Variants in ADARB2 observed in about 807,000 individuals in gnomAD.
ADARB2 encodes inactive double-stranded RNA-specific editase B2.
A neutral mutation model predicts 62.2 loss-of-function variants in ADARB2; 25 were observed. The ratio of observed to expected loss-of-function variants is 0.40; its 90% confidence interval spans 0.29 to 0.56. The LOEUF (loss-of-function observed/expected upper bound fraction) is 0.56. Ranked by LOEUF, ADARB2 falls within the 20% of genes least tolerant of loss-of-function variation. The pLI, the probability that ADARB2 is intolerant of heterozygous loss-of-function variation, is 0.43. For synonymous variants in ADARB2, 572 were observed against 500.8 expected, an observed-to-expected ratio of 1.14 and a Z score of -1.90; for missense variants, 1,071 against 1,077.4, an observed-to-expected ratio of 0.99 and a Z score of 0.08.
chr10:1,251,871 C>T (rs919603066), intron 4 of ADARB2, among the ~76,000 whole-genome samples: 1 of 152,178 alleles, frequency 6.6e-6, no homozygotes, highest in South Asian at 2.1e-4. Flanking sequence ...CCCCTCCAAA[C>T]GATGTAGCAA....
chr10:1,602,937 T>C (rs1272512024), intron 1 of ADARB2, among the ~76,000 whole-genome samples: 6 of 148,926 alleles, frequency 4.0e-5, no homozygotes, highest in Non-Finnish European at 6.0e-5. Context: ...ATGCACATCA[T>C]GCGCACACCT....
intron 3 of ADARB2, among the ~76,000 whole-genome samples, chr10:1,275,440 A>G (rs1181073518): frequency 6.6e-6 from 1 of 152,204 alleles, no homozygotes; most frequent in Non-Finnish European, 1.5e-5. Flanking sequence ...GGCGCCCTCA[A>G]GGGCAGGGCA....
At chr10:1,657,942 ATT>A in intron 1 of ADARB2, among the ~76,000 whole-genome samples, 1 of 131,406 alleles carries the variant, frequency 7.6e-6, no homozygotes, top group Middle Eastern at 3.9e-3. Context: ...TCTTTATCTG[ATT>A]CTCTGTCTGT....
intron 1 of ADARB2, among the ~76,000 whole-genome samples, chr10:1,650,912 C>T (rs186903414): frequency 7.2e-5 from 11 of 152,304 alleles, no homozygotes; most frequent in Admixed American, 3.3e-4. Context: ...CAGCTTTTCC[C>T]GGCTCATGTG....
At chr10:1,485,713 G>A (rs755218845) in intron 1 of ADARB2, among the ~76,000 whole-genome samples, 9 of 152,206 alleles carry the variant, frequency 5.9e-5, no homozygotes, top group Non-Finnish European at 1.2e-4. Flanking sequence ...TCCGTCTATG[G>A]CGAAGGCTTA....
chr10:1,306,585 A>C (rs1831631786), intron 3 of ADARB2, among the ~76,000 whole-genome samples: 1 of 150,414 alleles, frequency 6.6e-6, no homozygotes, highest in Non-Finnish European at 1.5e-5. Context: ...GAACCAAAAA[A>C]GAGCCCGCAT....
chr10:1,266,347 C>T (rs1045774927), intron 4 of ADARB2, among the ~76,000 whole-genome samples: 2 of 152,212 alleles, frequency 1.3e-5, no homozygotes, highest in Admixed American at 6.5e-5. Context: ...AAGTAAATGG[C>T]TGTGGTAGTT....
chr10:1,205,697 C>T (rs538072627), intron 7 of ADARB2, among the ~76,000 whole-genome samples: 11 of 152,410 alleles, frequency 7.2e-5, no homozygotes, highest in East Asian at 3.9e-4. Flanking sequence ...TCACCAGACG[C>T]GGAAACTGCT....
chr10:1,466,597 C>T (rs1041787491), intron 1 of ADARB2, among the ~76,000 whole-genome samples: 1 of 152,180 alleles, frequency 6.6e-6, no homozygotes, highest in Non-Finnish European at 1.5e-5. Flanking sequence ...AGGCCCGCCT[C>T]ACCCTATGAG....
chr10:1,568,820 A>ATCTATCTATCTATCTC (rs1373189698), intron 1 of ADARB2, among the ~76,000 whole-genome samples: 4 of 151,892 alleles, frequency 2.6e-5, no homozygotes, highest in African/African-American at 9.7e-5. Flanking sequence ...CTATCTATCT[A>ATCTATCTATCTATCTC]TCTATCTATC....
chr10:1,582,957 C>G (rs2944718), intron 1 of ADARB2, among the ~76,000 whole-genome samples: 118,666 of 152,188 alleles, frequency 0.78, 46,539 homozygotes, highest in Non-Finnish European at 0.81. Context: ...TCTTGGAAAG[C>G]CCTCCCTGGT....
chr10:1,379,928 C>T (rs777628644), intron 1 of ADARB2, among the ~76,000 whole-genome samples: 1 of 152,188 alleles, frequency 6.6e-6, no homozygotes, highest in African/African-American at 2.4e-5. Flanking sequence ...ATGGTCTCAG[C>T]AATTTATTTC....
At chr10:1,317,860 C>T (rs1344323833) in intron 3 of ADARB2, among the ~76,000 whole-genome samples, 4 of 152,148 alleles carry the variant, frequency 2.6e-5, no homozygotes, top group African/African-American at 9.7e-5. Flanking sequence ...TGCCTCTCTG[C>T]ACCCCAGCCT....
At chr10:1,685,286 G>A (rs1162508876) in intron 1 of ADARB2, among the ~76,000 whole-genome samples, 3 of 152,104 alleles carry the variant, frequency 2.0e-5, no homozygotes, top group African/African-American at 7.2e-5. Flanking sequence ...GAGACACAGC[G>A]GCCACCTGAA....
chr10:1,607,237 C>T (rs867566128), intron 1 of ADARB2, among the ~76,000 whole-genome samples: 14 of 152,202 alleles, frequency 9.2e-5, no homozygotes, highest in African/African-American at 1.4e-4. Flanking sequence ...CCGAGGTCTC[C>T]GAGGGCTGAG....
intron 1 of ADARB2, among the ~76,000 whole-genome samples, chr10:1,672,319 G>T (rs1458744396): frequency 1.3e-5 from 2 of 152,164 alleles, no homozygotes; most frequent in Admixed American, 1.3e-4. Flanking sequence ...GAGCACCTTG[G>T]CCATCCTAAA....
chr10:1,336,240 T>C (rs1219712607), intron 3 of ADARB2, among the ~76,000 whole-genome samples: 2 of 152,216 alleles, frequency 1.3e-5, no homozygotes, highest in Non-Finnish European at 2.9e-5. Flanking sequence ...ATTGGATGAC[T>C]CTTTAAGGAA....
chr10:1,615,454 C>G (rs1874998), intron 1 of ADARB2, among the ~76,000 whole-genome samples: 1 of 152,150 alleles, frequency 6.6e-6, no homozygotes. Context: ...CCAGGATGCG[C>G]GGTATGGTGG....
intron 1 of ADARB2, among the ~76,000 whole-genome samples, chr10:1,544,132 G>A (rs1340773253): frequency 2.0e-5 from 3 of 152,140 alleles, no homozygotes; most frequent in Non-Finnish European, 4.4e-5. Flanking sequence ...GACTCTCTGG[G>A]CCCTGCTCAG....
Sources: allele counts gnomAD v4.1 joint callset (sites outside exome capture counted in the v4.1 genomes callset), GRCh38; gene constraint gnomAD v4.1.1; transcripts MANE v1.5; gene names NCBI Gene and HGNC (gene_info 2026-07-23, HGNC 2026-07-21).